Variants in ARFGAP1 observed in about 807,000 individuals in gnomAD.
ARFGAP1 encodes the protein ARF GTPase activating protein 1.
A neutral mutation model predicts 54.0 loss-of-function variants in ARFGAP1; 26 were observed. That is an observed-to-expected ratio of 0.48 (90% CI 0.35 to 0.67). The LOEUF (loss-of-function observed/expected upper bound fraction) is 0.67, where lower values mean the gene tolerates loss of function less well. Ranked by LOEUF, ARFGAP1 falls within the 30% of genes least tolerant of loss-of-function variation. The pLI, the probability that ARFGAP1 is intolerant of heterozygous loss-of-function variation, is 0.00. For synonymous variants in ARFGAP1, 248 were observed against 211.9 expected, an observed-to-expected ratio of 1.17 and a Z score of -1.48; for missense variants, 525 against 535.8, an observed-to-expected ratio of 0.98 and a Z score of 0.20.
intron 7 of ARFGAP1, among the ~76,000 whole-genome samples, chr20:63,279,628 G>A (rs1421393292): frequency 1.3e-5 from 2 of 152,194 alleles, no homozygotes; most frequent in East Asian, 3.8e-4. Flanking sequence ...AGTGCTACAT[G>A]CATTGGGAAG....
rs1568747608 is a variant in ARFGAP1 at position 63,287,786 on chromosome 20, CGACGGCGGG to C, written c.1137_1145del (p.Asp379_Gly381del). ...CCTCCACCAACAGGAACAGCAACAG[CGACGGCGGG>C]GAGGGCGGGGAGGGCACCAAGAAGG... On this transcript the variant is annotated inframe_deletion, in exon 13 of 13. Transcript: ENST00000370283. The C allele has an allele frequency of 1.2e-6, 2 of 1,605,482 alleles. No individual in the cohort carries two copies. The highest frequency in any genetic ancestry group is 1.1e-5 in the South Asian group (1 of 89,856).
chr20:63,279,691 C>T (rs2067327478), intron 7 of ARFGAP1, among the ~76,000 whole-genome samples: 1 of 152,214 alleles, frequency 6.6e-6, no homozygotes, highest in Admixed American at 6.5e-5. Flanking sequence ...CGGGTGCTGC[C>T]TGAGGTCACT....
intron 1 of ARFGAP1, among the ~76,000 whole-genome samples, chr20:63,275,244 T>C (rs1424801019): frequency 6.6e-6 from 1 of 152,238 alleles, no homozygotes; most frequent in East Asian, 1.9e-4. Context: ...CCCCTTGCTG[T>C]GGATTTCACC....
chr20:63,274,747 A>C (rs931127087), intron 1 of ARFGAP1, among the ~76,000 whole-genome samples: 1 of 152,080 alleles, frequency 6.6e-6, no homozygotes, highest in African/African-American at 2.4e-5. Context: ...TGGGGTTGGT[A>C]CCACCCCTTC....
In ARFGAP1 at chr20:63,276,876, A is replaced by G. The variant is rs560681537; in HGVS notation, c.342+225A>G. ...GACCTTCCCCGCCTCCAGGGGAGAAAGCAGCTGTGACCGTTTATTGCCTCT... is the reference window on the plus strand; with the variant it reads ...GACCTTCCCCGCCTCCAGGGGAGAAGGCAGCTGTGACCGTTTATTGCCTCT... On this transcript the variant is annotated intron_variant, in intron 4 of 12. Transcript: ENST00000370283. This position sits in a 1 kb window ranked among gnomAD's most constrained non-coding sequence, Gnocchi z 5.2. The G allele has an allele frequency of 8.8e-6, 5 of 571,028 alleles. No homozygotes were observed. The highest frequency in any genetic ancestry group is 1.5e-5 in the Non-Finnish European group (5 of 326,040). 35.4% of individuals were successfully genotyped at this position (571,028 alleles called of 1,614,324 possible). A position where few individuals can be genotyped will look rare whatever the true frequency, so the allele number is the denominator to read the frequency against.
chr20:63,287,597 T>C lies in ARFGAP1; in HGVS notation c.945T>C (p.Gly315=). 6.2e-7 allele frequency: 1 copy of C among 1,608,110 alleles called. No individual in the cohort carries two copies. The highest frequency in any genetic ancestry group is 8.5e-7 in the Non-Finnish European group (1 of 1,176,502). Residue 315 remains glycine, a synonymous_variant, in exon 13 of 13, where the codon GGT becomes GGC. Coordinates refer to ENST00000370283, the MANE Select transcript of ARFGAP1 (RefSeq NM_018209.4). The part of the protein sequence containing the change: ...PSEGHSYQNS[G]LDHFQNSNID... ...AGGGCCACAGTTATCAGAACAGCGGTCTGGACCACTTCCAAAACAGCAACA... is the reference window on the plus strand; with the variant it reads ...AGGGCCACAGTTATCAGAACAGCGGCCTGGACCACTTCCAAAACAGCAACA...
At chr20:63,281,712 C>G (rs1166458776) in intron 8 of ARFGAP1, among the ~76,000 whole-genome samples, 1 of 152,168 alleles carries the variant, frequency 6.6e-6, no homozygotes, top group Non-Finnish European at 1.5e-5. Context: ...GGGCTCAAGT[C>G]GTGTTTTGAG....
intron 7 of ARFGAP1, among the ~76,000 whole-genome samples, chr20:63,280,174 A>G (rs1393786260): frequency 1.3e-5 from 2 of 152,136 alleles, no homozygotes; most frequent in Admixed American, 6.5e-5. Flanking sequence ...TCATTGCAGC[A>G]TTGTTGTCCG....
intron 1 of ARFGAP1, 142 bp from the exon 2 acceptor site, chr20:63,275,435 G>T: frequency 4.0e-6 from 3 of 754,314 alleles, no homozygotes; most frequent in Non-Finnish European, 6.7e-6. Flanking sequence ...GCTGCGAGTG[G>T]TCCTGTGACC....
At chr20:63,282,904 T>C in intron 9 of ARFGAP1, 53 bp downstream of exon 9, 2 of 1,596,086 alleles carry the variant, frequency 1.3e-6, no homozygotes, top group Non-Finnish European at 1.7e-6. Context: ...ATCCTGAGTC[T>C]GACGTCACGT....
chr20:63,278,175 C>G lies in ARFGAP1; in HGVS notation c.502C>G (p.Leu168Val), dbSNP rs200657988. ...ASSDKAFEDWLNDDLGSYQGA... is the reference protein window; with the variant it reads ...ASSDKAFEDWVNDDLGSYQGA... Reference sequence around the variant, plus strand: ...CTCGGACAAGGCTTTTGAAGACTGGCTGAATGATGACCTCGGCTCCTATCA... The same window carrying G: ...CTCGGACAAGGCTTTTGAAGACTGGGTGAATGATGACCTCGGCTCCTATCA... The change falls in exon 6 of 13, where the codon CTG (leucine) becomes GTG (valine). Residue 168 changes from leucine (L) to valine (V), a missense_variant. Leu to Val is a conservative substitution (Grantham distance 32). Transcript: ENST00000370283. The G allele has an allele frequency of 1.2e-6, 2 of 1,613,676 alleles. No homozygotes were observed. The highest frequency in any genetic ancestry group is 2.2e-5 in the East Asian group (1 of 44,876).
intron 5 of ARFGAP1, 71 bp from the exon 6 acceptor site, chr20:63,278,045 TG>T (rs2067278083): frequency 3.5e-6 from 5 of 1,415,794 alleles, no homozygotes; most frequent in East Asian, 4.6e-5. Context: ...CACATGGTTC[TG>T]GGGGTGCTTC....
rs1031075906 is a variant in ARFGAP1, at chr20:63,288,154, C to T, written c.*281C>T. 31 of 590,796 alleles carry T rather than the reference C, an allele frequency of 5.2e-5. No individual in the cohort carries two copies. Among genetic ancestry groups the T allele is most frequent in the African/African-American group, 3.1e-4 (17 of 54,556 alleles). 36.6% of individuals were successfully genotyped at this position (590,796 alleles called of 1,614,324 possible). Reference sequence around the variant, plus strand: ...CAAGGCCGGGGCTCTGCGTGGCTTGCTGGGAGGTGGGCTGCAGCACAGAGG... The same window carrying T: ...CAAGGCCGGGGCTCTGCGTGGCTTGTTGGGAGGTGGGCTGCAGCACAGAGG... On this transcript the variant is annotated 3_prime_UTR_variant, in exon 13 of 13. Transcript: ENST00000370283.
rs2067643007 is a variant in ARFGAP1 at position 63,289,014 on chromosome 20, C to T, written c.*1141C>T. ...TCCTGGAGCAGCCTGGGCCCTTCAG[C>T]CCCTGTGCTCGTCCCACCCTAGGGA... On this transcript the variant is annotated 3_prime_UTR_variant, in exon 13 of 13. Transcript: ENST00000370283. The T allele has an allele frequency of 1.7e-5, 3 of 181,788 alleles. No individual in the cohort carries two copies. The highest frequency in any genetic ancestry group is 1.1e-4 in the Admixed American group (2 of 18,622). 11.3% of individuals were successfully genotyped at this position (181,788 alleles called of 1,614,324 possible). A position where few individuals can be genotyped will look rare whatever the true frequency, so the allele number is the denominator to read the frequency against.
rs546693393 is a variant in ARFGAP1, at chr20:63,287,921, G to T, written c.*48G>T. The T allele has an allele frequency of 1.4e-6, 2 of 1,458,378 alleles. No homozygotes were observed. Among genetic ancestry groups the T allele is most frequent in the Non-Finnish European group, 1.8e-6 (2 of 1,104,296 alleles). The allele number at this position is 1,458,378 out of a possible 1,614,324, so 90.3% of individuals were successfully genotyped here. ...AGCGCCCCCGGGCGACTTCGTGTTT[G>T]CACTCTGCCCTCGTCGTTCCTCCTC... On this transcript the variant is annotated 3_prime_UTR_variant, in exon 13 of 13. Transcript: ENST00000370283.
chr20:63,278,072 C>G lies in ARFGAP1; in HGVS notation c.444-45C>G, dbSNP rs375018571. The G allele has an allele frequency of 5.0e-6, 8 of 1,586,710 alleles. No homozygotes were observed. In the African/African-American group the frequency reaches 6.7e-5, roughly 13 times the overall value. The stretch of plus-strand genomic sequence containing the variant: ...GGGGTGCTTCTGGGGTTACCTCAGA[C>G]TTCACCCAGTTTTGGCCTTACCAGC... On this transcript the variant is annotated intron_variant, in intron 5 of 12. Coordinates refer to ENST00000370283, the MANE Select transcript of ARFGAP1 (RefSeq NM_018209.4).
intron 9 of ARFGAP1, chr20:63,284,199 T>G (rs2067462342): frequency 2.4e-6 from 3 of 1,274,808 alleles, no homozygotes; most frequent in African/African-American, 3.0e-5. Context: ...GCGGGGGCAC[T>G]GGGCGCAGAG....
At chr20:63,275,087 G>A (rs1568728988) in intron 1 of ARFGAP1, among the ~76,000 whole-genome samples, 2 of 152,206 alleles carry the variant, frequency 1.3e-5, no homozygotes, top group South Asian at 2.1e-4. Context: ...GAGCCTCCCT[G>A]CACTGCGTTG....
At chr20:63,283,915 A>G in intron 9 of ARFGAP1, 2 of 1,610,940 alleles carry the variant, frequency 1.2e-6, no homozygotes, top group Non-Finnish European at 8.5e-7. Context: ...TGCCGCCCGC[A>G]TCTCCGCCGA....
Sources: gnomAD v4.1 joint callset for allele counts (sites outside exome capture counted in the v4.1 genomes callset) on GRCh38, gnomAD v4.1.1 for gene constraint, Gnocchi (gnomAD v3.1) non-coding constraint, MANE v1.5 for transcripts, NCBI Gene and HGNC (gene_info 2026-07-23, HGNC 2026-07-21) for gene names.